Variants in LAMP3 observed in about 807,000 individuals in gnomAD.
LAMP3 encodes lysosome associated membrane protein 3, also known as lysosome-associated membrane glycoprotein 3.
A neutral mutation model predicts 34.8 loss-of-function variants in LAMP3; 26 were observed. That is an observed-to-expected ratio of 0.75 (90% confidence interval 0.55 to 1.04). The LOEUF (loss-of-function observed/expected upper bound fraction) is 1.04, where lower values mean the gene tolerates loss of function less well. LAMP3 is among the 50% of genes least tolerant of loss of function. The pLI, the probability that LAMP3 is intolerant of heterozygous loss-of-function variation, is 0.00. For synonymous variants in LAMP3, 180 were observed against 201.9 expected, an observed-to-expected ratio of 0.89 and a Z score of 0.92; for missense variants, 495 against 524.0, an observed-to-expected ratio of 0.94 and a Z score of 0.54.
rs114545672 is a variant in LAMP3 at position 183,153,988 on chromosome 3, G to A, written c.453C>T (p.Thr151=). ...TGGTGTTCCCAGTTGTGTGGCTGAC[G>A]GTTGATGAACTGGTTCCAGTTGTAT... ...PAHTTGTSSS[T]VSHTTGNTTQ... Residue 151 remains threonine, a synonymous_variant, in exon 2 of 6, where the codon ACC becomes ACT. Transcript: ENST00000265598. 485 of 1,614,190 alleles carry A rather than the reference G, an allele frequency of 3.0e-4. 2 individuals are homozygous for A. The East Asian group carries it at 9.6e-3, about 32-fold the overall frequency.
chr3:183,142,977 C>T (rs1467763683), intron 3 of LAMP3, among the ~76,000 whole-genome samples: 3 of 152,120 alleles, frequency 2.0e-5, no homozygotes, highest in African/African-American at 2.4e-5. Context: ...TGAGGCCTTC[C>T]GTAAGCAGGG....
intron 5 of LAMP3, among the ~76,000 whole-genome samples, chr3:183,128,134 C>T (rs1453353454): frequency 7.1e-5 from 9 of 126,170 alleles, no homozygotes; most frequent in African/African-American, 1.5e-4. Context: ...GGAGACAGAG[C>T]GACACTCCAT....
At chr3:183,124,409 T>C (rs1719735384) in intron 5 of LAMP3, among the ~76,000 whole-genome samples, 195 bp from the exon 6 acceptor site, 1 of 152,224 alleles carries the variant, frequency 6.6e-6, no homozygotes, top group African/African-American at 2.4e-5. Flanking sequence ...GCAAATAATA[T>C]GTAAGACTGT....
intron 3 of LAMP3, among the ~76,000 whole-genome samples, chr3:183,145,556 TA>T (rs1159885073): frequency 6.6e-6 from 1 of 152,148 alleles, no homozygotes; most frequent in Non-Finnish European, 1.5e-5. Context: ...TATTTCAATT[TA>T]AAAAACTACA....
At chr3:183,162,502 C>G in intron 1 of LAMP3, 105 bp downstream of exon 1, 2 of 1,171,312 alleles carry the variant, frequency 1.7e-6, no homozygotes, top group East Asian at 5.1e-5. Flanking sequence ...CGCCACACCT[C>G]CCTACCCGCA....
Position 183,162,618 on chromosome 3 carries a change from G to T in LAMP3, c.38C>A (p.Ala13Glu), listed in dbSNP as rs1156608644. 6.5e-7 allele frequency: 1 copy of T among 1,545,260 alleles called. No homozygotes were observed. Among genetic ancestry groups the T allele is most frequent in the Admixed American group, 2.0e-5 (1 of 50,838 alleles). Residue 13 changes from alanine to glutamate, a missense_variant, in exon 1 of 6, where the codon GCG becomes GAG. Physicochemically the swap from Ala to Glu is moderately radical, Grantham distance 107. Transcript: ENST00000265598. ...RQLSAAAALF[A>E]SLAVILHDGS... is the part of the protein sequence containing the mutation. The stretch of plus-strand genomic sequence containing the variant: ...TGAGGGCCACTCACCGGCCAGGGAC[G>T]CGAAGAGCGCGGCCGCCGCGCTGAG...
chr3:183,132,204 G>A, intron 5 of LAMP3: 1 of 985,228 alleles, frequency 1.0e-6, no homozygotes, highest in Non-Finnish European at 1.2e-6. Flanking sequence ...TCTTTGATAT[G>A]TGCTTTAAAT....
Position 183,152,389 on chromosome 3 carries a change from G to A in LAMP3, c.874C>T (p.Leu292Phe), listed in dbSNP as rs777635863. The A allele has an allele frequency of 1.9e-6, 3 of 1,611,086 alleles. No homozygotes were observed. The highest frequency in any genetic ancestry group is 4.5e-5 in the East Asian group (2 of 44,702). ...LLNFQGGFVN[L>F]TFTKDEESYY... ...TCAGGCCTCACCTTGGTAAATGTGA[G>A]ATTCACAAATCCGCCCTGAAAATTC... Residue 292 changes from leucine (L) to phenylalanine (F), a missense_variant, in exon 3 of 6, where the codon CTC becomes TTC. Coordinates refer to ENST00000265598, the MANE Select transcript of LAMP3 (RefSeq NM_014398.4).
rs1321441291 is a variant in LAMP3, at chr3:183,153,869, G to T, written c.572C>A (p.Ala191Asp). The stretch of plus-strand genomic sequence containing the variant: ...GTGGGCAGCTGCCGTTGTTCCTGGG[G>T]CATGGGTGGGTTGAACAGGCTTCTG... ...TGQKPVQPTH[A>D]PGTTAAAHNT... The change falls in exon 2 of 6, where the codon GCC (alanine) becomes GAC (aspartate). Residue 191 changes from alanine to aspartate, a missense_variant. Ala to Asp is a moderately radical substitution (Grantham distance 126, BLOSUM62 -2). Coordinates refer to ENST00000265598, the MANE Select transcript of LAMP3 (RefSeq NM_014398.4). The T allele has an allele frequency of 6.2e-7, 1 of 1,613,594 alleles. No homozygotes were observed. Among genetic ancestry groups the T allele is most frequent in the South Asian group, 1.1e-5 (1 of 91,000 alleles).
intron 1 of LAMP3, among the ~76,000 whole-genome samples, chr3:183,162,293 G>A (rs976384008): frequency 1.3e-5 from 2 of 152,102 alleles, no homozygotes; most frequent in African/African-American, 4.8e-5. Context: ...CGCTTTTCCC[G>A]GATAACAAAG....
At chr3:183,149,211 G>A (rs1161268425) in intron 3 of LAMP3, among the ~76,000 whole-genome samples, 1 of 151,924 alleles carries the variant, frequency 6.6e-6, no homozygotes, top group African/African-American at 2.4e-5. Flanking sequence ...AATGGGTGGG[G>A]TGGGGGAAAA....
chr3:183,128,248 C>A (rs1719831482), intron 5 of LAMP3, among the ~76,000 whole-genome samples: 1 of 152,090 alleles, frequency 6.6e-6, no homozygotes, highest in Non-Finnish European at 1.5e-5. Context: ...TCACTTCCAC[C>A]CTTGCCCCTT....
intron 1 of LAMP3, among the ~76,000 whole-genome samples, chr3:183,161,541 C>T (rs1001351131): frequency 3.3e-5 from 5 of 152,082 alleles, no homozygotes; most frequent in Non-Finnish European, 5.9e-5. Flanking sequence ...CAGGCGCCCA[C>T]AACCATGCCC....
chr3:183,139,944 G>C (rs1433117922), intron 4 of LAMP3, among the ~76,000 whole-genome samples: 1 of 152,098 alleles, frequency 6.6e-6, no homozygotes, highest in Non-Finnish European at 1.5e-5. Flanking sequence ...CTGCACTATC[G>C]ACAGCAAATC....
intron 3 of LAMP3, among the ~76,000 whole-genome samples, chr3:183,147,306 T>C (rs1298995778): frequency 3.3e-5 from 5 of 151,986 alleles, no homozygotes; most frequent in Non-Finnish European, 7.4e-5. Flanking sequence ...GAATGGACAT[T>C]GGACCATCCC....
intron 3 of LAMP3, among the ~76,000 whole-genome samples, chr3:183,142,655 T>C (rs1250350309): frequency 6.6e-6 from 1 of 152,104 alleles, no homozygotes; most frequent in Non-Finnish European, 1.5e-5. Context: ...TTTTCCTCCA[T>C]GGGATGTGTG....
In LAMP3 at chr3:183,128,958, T is replaced by A. The variant is rs1350541869; in HGVS notation, c.1118-4744A>T. 2.0e-5 allele frequency among the ~76,000 whole-genome samples: 3 copies of A among 152,352 alleles called. No individual in the cohort carries two copies. The East Asian group carries it at 5.8e-4, about 29-fold the overall frequency. ...ATTTTTTTATAAGGGCTTATTTGTG[T>A]TGCATCCTTTGAATTATTTCATGTT... On this transcript the variant is annotated intron_variant, in intron 5 of 5. Coordinates refer to ENST00000265598, the MANE Select transcript of LAMP3 (RefSeq NM_014398.4).
Position 183,123,833 on chromosome 3 carries a change from G to A in LAMP3, c.*248C>T. The A allele has an allele frequency of 6.7e-6, 3 of 445,192 alleles. No individual in the cohort carries two copies. The highest frequency in any genetic ancestry group is 1.2e-5 in the Non-Finnish European group (3 of 248,716). The allele number at this position is 445,192 out of a possible 1,614,324, so 27.6% of individuals were successfully genotyped here. A position where few individuals can be genotyped will look rare whatever the true frequency, so the allele number is the denominator to read the frequency against. On this transcript the variant is annotated 3_prime_UTR_variant, in exon 6 of 6. Coordinates refer to ENST00000265598, the MANE Select transcript of LAMP3 (RefSeq NM_014398.4). ...ATATCTCAAATGTTGACTTTGAGTG[G>A]CTAAAATATTCTAAAGGAAACTAGA...
At chr3:183,147,820 T>G (rs1457125167) in intron 3 of LAMP3, among the ~76,000 whole-genome samples, 4 of 152,134 alleles carry the variant, frequency 2.6e-5, no homozygotes, top group Non-Finnish European at 5.9e-5. Flanking sequence ...GCTCAAGCAA[T>G]CATCCCACCT....
Sources: allele counts gnomAD v4.1 joint callset (sites outside exome capture counted in the v4.1 genomes callset), GRCh38; gene constraint gnomAD v4.1.1; transcripts MANE v1.5; gene names NCBI Gene and HGNC (gene_info 2026-07-23, HGNC 2026-07-21).